GCN1: variants seen among roughly 807,000 people sequenced by gnomAD.
GCN1 encodes the protein GCN1 activator of EIF2AK4.
Under a neutral mutation model 288.4 loss-of-function variants are expected in GCN1, and 90 were observed. That is an observed-to-expected ratio of 0.31 (90% CI 0.26 to 0.37). GCN1 has a LOEUF of 0.37. GCN1 is among the 10% of genes least tolerant of loss of function. The probability of loss-of-function intolerance (pLI) is 1.00; values close to 1 mark genes in which losing one functional copy is unlikely to be tolerated. For synonymous variants in GCN1, 1,386 were observed against 1,420.2 expected (o/e 0.98, Z 0.54); for missense variants, 2,586 against 3,419.9 (o/e 0.76, Z 6.08).
chr12:120,138,445 G>C, intron 46 of GCN1, 30 bp from the exon 47 acceptor site: 1 of 1,376,256 alleles, frequency 7.3e-7, no homozygotes, highest in Non-Finnish European at 1.0e-6. Context: ...CAACCCTGAG[G>C]AATCTGCATC....
intron 39 of GCN1, 43 bp downstream of exon 39, chr12:120,145,219 G>A (rs1362795725): frequency 6.4e-7 from 1 of 1,558,492 alleles, no homozygotes; most frequent in South Asian, 1.2e-5. Flanking sequence ...TATGGGGACT[G>A]GATGAGGGGC....
rs1878564439 is a variant in GCN1 at position 120,178,925 on chromosome 12, A to T, written c.452T>A (p.Leu151Gln). 1.2e-6 allele frequency: 2 copies of T among 1,613,876 alleles called. No homozygotes were observed. Among genetic ancestry groups the T allele is most frequent in the Non-Finnish European group, 1.7e-6 (2 of 1,179,964 alleles). Residue 151 changes from leucine (L) to glutamine (Q), a missense_variant, in exon 6 of 58, where the codon CTG (leucine) becomes CAG (glutamine). Physicochemically the swap from Leu to Gln is moderately radical, Grantham distance 113. Coordinates refer to ENST00000300648, the MANE Select transcript of GCN1 (RefSeq NM_006836.2). ...KLVEVQCLLL[L>Q]EVLGGSHKHA... ...CTTGTGGGAGCCACCCAGCACCTCC[A>T]GCAAGAGCAGGCACTGCACTTCCAC...
At chr12:120,135,706 T>C (rs1296296939) in intron 51 of GCN1, among the ~76,000 whole-genome samples, 1 of 152,120 alleles carries the variant, frequency 6.6e-6, no homozygotes, top group Non-Finnish European at 1.5e-5. Context: ...GTTTGGAGGT[T>C]CAGTGCCAAT....
chr12:120,174,353 A>G (rs1878404766), intron 12 of GCN1, among the ~76,000 whole-genome samples, 184 bp from the exon 13 acceptor site: 1 of 152,084 alleles, frequency 6.6e-6, no homozygotes, highest in Non-Finnish European at 1.5e-5. Flanking sequence ...CCTTCTATAG[A>G]AGCCAAGCCT....
At chr12:120,138,079 T>C (rs754968829) in intron 47 of GCN1, 35 bp from the exon 48 acceptor site, 2 of 1,579,174 alleles carry the variant, frequency 1.3e-6, no homozygotes, top group East Asian at 2.3e-5. Flanking sequence ...CAGTGAATAC[T>C]GTGCCAGGTG....
intron 31 of GCN1, among the ~76,000 whole-genome samples, chr12:120,154,393 A>G (rs1877671363): frequency 6.6e-6 from 1 of 152,230 alleles, no homozygotes; most frequent in Admixed American, 6.5e-5. Flanking sequence ...ACACTGACAC[A>G]CAAGGCCTCA....
At chr12:120,191,335 C>T (rs556976561) in intron 1 of GCN1, among the ~76,000 whole-genome samples, 1 of 152,360 alleles carries the variant, frequency 6.6e-6, no homozygotes, top group East Asian at 1.9e-4. Flanking sequence ...CAGCTGCAGT[C>T]CCCTGCATAG....
At chr12:120,132,150 C>A (rs1876847986) in intron 53 of GCN1, 128 bp from the exon 54 acceptor site, 1 of 662,552 alleles carries the variant, frequency 1.5e-6, no homozygotes, top group Non-Finnish European at 2.8e-6. Context: ...CTCAGAGACT[C>A]AAGATCCAGT....
intron 12 of GCN1, among the ~76,000 whole-genome samples, chr12:120,174,403 A>G (rs1356596344): frequency 6.6e-6 from 1 of 152,208 alleles, no homozygotes; most frequent in East Asian, 1.9e-4. Flanking sequence ...CAAGCAGGCA[A>G]GCAGCAGGGT....
At chr12:120,179,039 C>CTT in intron 5 of GCN1, 89 bp from the exon 6 acceptor site, 1 of 1,050,366 alleles carries the variant, frequency 9.5e-7, no homozygotes, top group South Asian at 1.4e-5. Context: ...CTCCATCAGA[C>CTT]CCTCCAAATC....
At chr12:120,136,837 T>C (rs1877020355) in intron 50 of GCN1, 105 bp from the exon 51 acceptor site, 2 of 744,800 alleles carry the variant, frequency 2.7e-6, no homozygotes, top group South Asian at 1.7e-5. Context: ...CTCAACTCCA[T>C]GGGAGATATT....
At position 120,136,741 on chromosome 12, in the gene GCN1, A is replaced by G; in HGVS notation, c.6778-9T>C. Reference sequence around the variant, plus strand: ...AGGATGGAGGTCACTCCCTGACAAGAGAACCACAACTGAGAGTCAAATCTC... The same window carrying G: ...AGGATGGAGGTCACTCCCTGACAAGGGAACCACAACTGAGAGTCAAATCTC... On this transcript the variant is annotated splice_polypyrimidine_tract_variant and intron_variant, in intron 50 of 57. Coordinates refer to ENST00000300648, the MANE Select transcript of GCN1 (RefSeq NM_006836.2). The G allele has an allele frequency of 6.2e-7, 1 of 1,605,600 alleles. No homozygotes were observed. Among genetic ancestry groups the G allele is most frequent in the South Asian group, 1.1e-5 (1 of 90,906 alleles).
In GCN1 at chr12:120,156,617, T is replaced by C. The variant is rs1348620208; in HGVS notation, c.3169-13A>G. 6.8e-6 allele frequency: 11 copies of C among 1,613,190 alleles called. No homozygotes were observed. The South Asian group carries it at 1.2e-4, about 18-fold the overall frequency. ...CTGAAGCCAGAACCTAAGGAGAACA[T>C]CAATCCACTGGTTCAGTCAGCAACT... On this transcript the variant is annotated splice_polypyrimidine_tract_variant and intron_variant, in intron 27 of 57. Coordinates refer to ENST00000300648, the MANE Select transcript of GCN1 (RefSeq NM_006836.2). The surrounding 1 kb of genome is among the most constrained non-coding windows in gnomAD (Gnocchi z 5.8).
At chr12:120,175,048 A>G in intron 12 of GCN1, 114 bp downstream of exon 12, 12 of 847,522 alleles carry the variant, frequency 1.4e-5, no homozygotes, top group Non-Finnish European at 2.0e-5. Context: ...GATCGCTTGA[A>G]CCTGGGAGGC....
In GCN1 at chr12:120,136,492, A is replaced by T. The variant is rs762602302; in HGVS notation, c.7008+10T>A. 6.3e-7 allele frequency: 1 copy of T among 1,598,726 alleles called. No homozygotes were observed. Among genetic ancestry groups the T allele is most frequent in the Admixed American group, 1.7e-5 (1 of 60,006 alleles). On this transcript the variant is annotated intron_variant, in intron 51 of 57. Transcript: ENST00000300648. ...TCTCTAAGATCTGAACAAACTCATC[A>T]GCCACTCACCTTAGCCAACAAGAGG...
Position 120,141,006 on chromosome 12 carries a change from C to T in GCN1, c.5847G>A (p.Leu1949=). ...ADKRTIAART[L]GDLVRKLGEK... ...CCCCTAACTTCCGCACAAGATCTCCCAATGTTCTCGCTGCAATCTGTCAAC... is the reference window on the plus strand; with the variant it reads ...CCCCTAACTTCCGCACAAGATCTCCTAATGTTCTCGCTGCAATCTGTCAAC... The change falls in exon 45 of 58, where the codon TTG becomes TTA. Residue 1949 remains leucine, a synonymous_variant. Coordinates refer to ENST00000300648, the MANE Select transcript of GCN1 (RefSeq NM_006836.2). The T allele has an allele frequency of 6.2e-7, 1 of 1,613,428 alleles. No individual in the cohort carries two copies. Among genetic ancestry groups the T allele is most frequent in the Non-Finnish European group, 8.5e-7 (1 of 1,179,612 alleles).
chr12:120,165,006 C>CATATAT (rs1566311387), intron 16 of GCN1, among the ~76,000 whole-genome samples: 4 of 29,720 alleles, frequency 1.3e-4, no homozygotes, highest in Non-Finnish European at 2.9e-4. Context: ...CATATATACA[C>CATATAT]ACACACACAC....
chr12:120,153,690 G>T lies in GCN1; in HGVS notation c.3867+54C>A. On this transcript the variant is annotated intron_variant, in intron 32 of 57. Transcript: ENST00000300648. This position sits in a 1 kb window ranked among gnomAD's most constrained non-coding sequence, Gnocchi z 4.4. ...CGCCTGCCTCCCGTGTCTCCTTAGC[G>T]GGCTGGGACCCCCTTACCTTCCCGT... The T allele has an allele frequency of 6.5e-7, 1 of 1,548,488 alleles. No individual in the cohort carries two copies. The highest frequency in any genetic ancestry group is 8.9e-7 in the Non-Finnish European group (1 of 1,127,500).
Position 120,155,837 on chromosome 12 carries a change from T to C in GCN1, c.3313-118A>G, listed in dbSNP as rs751345689. 5.6e-6 allele frequency: 5 copies of C among 886,964 alleles called. No homozygotes were observed. The highest frequency in any genetic ancestry group is 8.7e-6 in the Non-Finnish European group (5 of 571,584). The allele number at this position is 886,964 out of a possible 1,614,324, so 54.9% of individuals were successfully genotyped here. ...GATGTAGCCACTAACCGCATGTGGC[T>C]AAAGTTAAATCAATTAAAATTAACT... On this transcript the variant is annotated intron_variant, in intron 28 of 57. Transcript: ENST00000300648. This position sits in a 1 kb window ranked among gnomAD's most constrained non-coding sequence, Gnocchi z 4.9.
Sources: gnomAD v4.1 joint callset for allele counts (sites outside exome capture counted in the v4.1 genomes callset) on GRCh38, gnomAD v4.1.1 for gene constraint, Gnocchi (gnomAD v3.1) non-coding constraint, MANE v1.5 for transcripts, NCBI Gene and HGNC (gene_info 2026-07-23, HGNC 2026-07-21) for gene names.